Variants in C1orf146 observed in about 807,000 individuals in gnomAD.
The protein encoded by C1orf146 is protein SPO16 homolog.
Under a neutral mutation model 23.0 loss-of-function variants are expected in C1orf146, and 22 were observed. The ratio of observed to expected loss-of-function variants is 0.96; its 90% CI spans 0.68 to 1.36. C1orf146 has a LOEUF of 1.36. Ranked by LOEUF, C1orf146 falls within the 40% of genes most tolerant of loss-of-function variation. The probability of loss-of-function intolerance (pLI) is 0.00; values close to 1 mark genes in which losing one functional copy is unlikely to be tolerated. For synonymous variants in C1orf146, 59 were observed against 65.3 expected, an observed-to-expected ratio of 0.90 and a Z score of 0.47; for missense variants, 199 against 206.8, an observed-to-expected ratio of 0.96 and a Z score of 0.23.
At chr1:92,232,632 G>A (rs988136413) in intron 2 of C1orf146, among the ~76,000 whole-genome samples, 2 of 152,086 alleles carry the variant, frequency 1.3e-5, no homozygotes, top group African/African-American at 4.8e-5. Context: ...CCAGTAATGG[G>A]ATGGCTGGGT....
chr1:92,245,630 C>A lies in C1orf146; in HGVS notation c.499C>A (p.Leu167Ile). The change falls in exon 6 of 6, where the codon CTT (leucine) becomes ATT (isoleucine). Residue 167 changes from leucine (L) to isoleucine (I), a missense_variant. Physicochemically the swap from Leu to Ile is conservative, Grantham distance 5 (BLOSUM62 2). Coordinates refer to ENST00000370375, the MANE Select transcript of C1orf146 (RefSeq NM_001012425.2). ...TGAGCAAAGTCCTGTTTGGAAAACA[C>A]TTCAGAAGATAAAACTGAATAGTGA... is the stretch of plus-strand genomic sequence containing the variant. ...IIEQSPVWKT[L>I]QKIKLNSDSV... 6.3e-7 allele frequency: 1 copy of A among 1,598,216 alleles called. No homozygotes were observed. The highest frequency in any genetic ancestry group is 1.3e-5 in the African/African-American group (1 of 74,286).
intron 2 of C1orf146, chr1:92,240,899 G>A (rs1250626763): frequency 2.2e-6 from 1 of 462,828 alleles, no homozygotes; most frequent in South Asian, 1.6e-5. Context: ...TGATTTAATT[G>A]CCTGGGTGGA....
intron 2 of C1orf146, among the ~76,000 whole-genome samples, chr1:92,237,153 C>T (rs1652300647): frequency 1.3e-5 from 2 of 152,180 alleles, no homozygotes; most frequent in African/African-American, 4.8e-5. Flanking sequence ...TGGTGAGGAA[C>T]TGTGATCCTT....
At chr1:92,238,955 C>T (rs558172325) in intron 2 of C1orf146, among the ~76,000 whole-genome samples, 1 of 152,214 alleles carries the variant, frequency 6.6e-6, no homozygotes, top group South Asian at 2.1e-4. Flanking sequence ...ATTAGGGTCT[C>T]ACTATGTTGC....
At chr1:92,224,337 C>G (rs1011835344) in intron 1 of C1orf146, among the ~76,000 whole-genome samples, 1 of 152,206 alleles carries the variant, frequency 6.6e-6, no homozygotes, top group African/African-American at 2.4e-5. Flanking sequence ...CATGAGCCAC[C>G]ATGCTCGGCC....
intron 2 of C1orf146, among the ~76,000 whole-genome samples, chr1:92,235,982 T>C (rs1341893900): frequency 6.6e-6 from 1 of 152,160 alleles, no homozygotes; most frequent in Non-Finnish European, 1.5e-5. Flanking sequence ...CCTCCATCCT[T>C]TTATTTTGAG....
chr1:92,228,915 T>A (rs559305840), intron 1 of C1orf146: 24 of 421,440 alleles, frequency 5.7e-5, no homozygotes, highest in African/African-American at 4.1e-4. Flanking sequence ...TATTCCAGAT[T>A]CGTGAGGCTA....
chr1:92,244,822 G>A lies in C1orf146; in HGVS notation c.373G>A (p.Val125Ile). 1.2e-6 allele frequency: 2 copies of A among 1,608,766 alleles called. No homozygotes were observed. Among genetic ancestry groups the A allele is most frequent in the Non-Finnish European group, 1.7e-6 (2 of 1,175,858 alleles). The change falls in exon 5 of 6, where the codon GTA becomes ATA. Residue 125 changes from valine (V) to isoleucine (I), a missense_variant. Val to Ile is a conservative substitution (Grantham distance 29). Transcript: ENST00000370375. The stretch of plus-strand genomic sequence containing the variant: ...ACGAATACTTCCAGTACACAACACA[G>A]TAAATGCTATTAATCTTATGTGCAC... The part of the protein sequence containing the change: ...NLRILPVHNT[V>I]NAINLMCTIA...
intron 1 of C1orf146, among the ~76,000 whole-genome samples, chr1:92,227,695 G>T: frequency 6.6e-6 from 1 of 152,000 alleles, no homozygotes; most frequent in African/African-American, 2.4e-5. Flanking sequence ...GATATCCTAT[G>T]TTGACAATTA....
chr1:92,222,535 GTTTT>G, intron 1 of C1orf146, among the ~76,000 whole-genome samples: 42 of 60,570 alleles, frequency 6.9e-4, no homozygotes, highest in African/African-American at 2.2e-3. Context: ...CCCTTCTTCG[GTTTT>G]TTTTTTTTTT....
chr1:92,221,906 T>A (rs1244772951), intron 1 of C1orf146, among the ~76,000 whole-genome samples: 1 of 152,196 alleles, frequency 6.6e-6, no homozygotes, highest in African/African-American at 2.4e-5. Context: ...AATTTTAAAA[T>A]GACACACTTA....
At chr1:92,240,863 C>A in intron 2 of C1orf146, 1 of 452,932 alleles carries the variant, frequency 2.2e-6, no homozygotes, top group Non-Finnish European at 4.6e-6. Context: ...CTATTAACCA[C>A]CTAGATTTTA....
intron 2 of C1orf146, among the ~76,000 whole-genome samples, chr1:92,233,580 C>CT (rs1156386740): frequency 2.6e-5 from 4 of 152,098 alleles, no homozygotes; most frequent in African/African-American, 9.7e-5. Context: ...TTAGGATTGA[C>CT]TTGGCAATGA....
intron 1 of C1orf146, among the ~76,000 whole-genome samples, chr1:92,227,970 T>A (rs1285184158): frequency 6.6e-6 from 1 of 152,204 alleles, no homozygotes; most frequent in Non-Finnish European, 1.5e-5. Flanking sequence ...TATTTTTATG[T>A]ATTGGTCCTG....
chr1:92,242,412 G>A, intron 3 of C1orf146, 107 bp downstream of exon 3: 3 of 524,548 alleles, frequency 5.7e-6, no homozygotes, highest in South Asian at 3.7e-5. Flanking sequence ...TTTTGGGAAG[G>A]GTAAATGTGT....
chr1:92,224,987 C>T (rs1428977954), intron 1 of C1orf146, among the ~76,000 whole-genome samples: 4 of 152,130 alleles, frequency 2.6e-5, no homozygotes, highest in African/African-American at 4.8e-5. Flanking sequence ...GTGATTTGCC[C>T]ACCTCGGCCT....
chr1:92,234,802 C>G (rs1402821609), intron 2 of C1orf146, among the ~76,000 whole-genome samples: 1 of 152,144 alleles, frequency 6.6e-6, no homozygotes, highest in African/African-American at 2.4e-5. Flanking sequence ...TGTTATTGGT[C>G]TATTCAGAGA....
At chr1:92,227,714 C>T (rs1652002960) in intron 1 of C1orf146, among the ~76,000 whole-genome samples, 2 of 152,074 alleles carry the variant, frequency 1.3e-5, no homozygotes, top group Admixed American at 6.5e-5. Flanking sequence ...TATTTCCTTT[C>T]ACCACTTAAA....
At chr1:92,227,087 T>A (rs1651986533) in intron 1 of C1orf146, among the ~76,000 whole-genome samples, 1 of 152,218 alleles carries the variant, frequency 6.6e-6, no homozygotes, top group South Asian at 2.1e-4. Flanking sequence ...TATATTTTAA[T>A]TGAACATCTA....
Sources: allele counts gnomAD v4.1 joint callset (sites outside exome capture counted in the v4.1 genomes callset), GRCh38; gene constraint gnomAD v4.1.1; transcripts MANE v1.5; gene names NCBI Gene and HGNC (gene_info 2026-07-23, HGNC 2026-07-21).